Variants in MAPKAP1 observed in about 807,000 individuals in gnomAD.
MAPKAP1 encodes the protein target of rapamycin complex 2 subunit MAPKAP1.
Under a neutral mutation model 65.7 loss-of-function variants are expected in MAPKAP1, and 20 were observed. The observed-to-expected ratio is 0.30, with a 90% CI of 0.21 to 0.44. The LOEUF (loss-of-function observed/expected upper bound fraction) is 0.44. MAPKAP1 is among the 20% of genes least tolerant of loss of function. MAPKAP1 has a pLI of 1.00. For synonymous variants in MAPKAP1, 222 were observed against 244.3 expected (o/e 0.91, Z 0.85); for missense variants, 423 against 648.0 (o/e 0.65, Z 3.77).
intron 9 of MAPKAP1, among the ~76,000 whole-genome samples, chr9:125,468,429 C>A (rs1360924281): frequency 6.6e-6 from 1 of 152,196 alleles, no homozygotes; most frequent in Non-Finnish European, 1.5e-5. Context: ...TACAGCCGTA[C>A]ATTATCTCTA....
chr9:125,623,530 G>A (rs1832978292), intron 4 of MAPKAP1, among the ~76,000 whole-genome samples: 1 of 10,552 alleles, frequency 9.5e-5, no homozygotes, highest in African/African-American at 1.4e-4. Context: ...CGGCCGCCCC[G>A]TCTGAGAAGT....
At chr9:125,548,870 T>C (rs1830503440) in intron 6 of MAPKAP1, among the ~76,000 whole-genome samples, 1 of 152,140 alleles carries the variant, frequency 6.6e-6, no homozygotes. Flanking sequence ...AAAGAGAAAA[T>C]TGAGGTTTGG....
intron 7 of MAPKAP1, among the ~76,000 whole-genome samples, chr9:125,542,787 A>G (rs112014226): frequency 0.014 from 2,180 of 152,338 alleles, 19 homozygotes; most frequent in South Asian, 0.041. Context: ...CATCAGCACA[A>G]GTAGCTCTGT....
Position 125,558,247 on chromosome 9 carries a change from T to A in MAPKAP1, c.848+1386A>T, listed in dbSNP as rs553316100. Among the ~76,000 whole-genome samples, 9 of 152,356 alleles carry A rather than the reference T, an allele frequency of 5.9e-5. No individual in the cohort carries two copies. In the East Asian group the frequency reaches 1.7e-3, roughly 29 times the overall value. On this transcript the variant is annotated intron_variant, in intron 6 of 11. Coordinates refer to ENST00000265960, the MANE Select transcript of MAPKAP1 (RefSeq NM_001006617.3). ...GAGTAACATATACACACGATTATTA[T>A]ACAAGATTAAAAATAGTTAAGATGG...
At chr9:125,532,938 T>C (rs1013020596) in intron 7 of MAPKAP1, among the ~76,000 whole-genome samples, 7 of 152,216 alleles carry the variant, frequency 4.6e-5, no homozygotes, top group African/African-American at 1.4e-4. Context: ...AGTTCTCAAA[T>C]AGGAGGTGGA....
chr9:125,623,414 T>G (rs1341042624), intron 4 of MAPKAP1, among the ~76,000 whole-genome samples: 1 of 29,422 alleles, frequency 3.4e-5, no homozygotes. Flanking sequence ...CGGCCGCCCA[T>G]CGTCTGAGAT....
At chr9:125,673,026 C>T (rs187299074) in intron 1 of MAPKAP1, among the ~76,000 whole-genome samples, 60 of 152,272 alleles carry the variant, frequency 3.9e-4, no homozygotes, top group Admixed American at 2.4e-3. Context: ...GTTGTATTTT[C>T]CTCAAATGAT....
chr9:125,507,487 A>C (rs1447172007), intron 7 of MAPKAP1, among the ~76,000 whole-genome samples: 7 of 152,216 alleles, frequency 4.6e-5, no homozygotes, highest in South Asian at 4.1e-4. Flanking sequence ...CAACTTGTGG[A>C]TTAATCACAT....
intron 11 of MAPKAP1, among the ~76,000 whole-genome samples, chr9:125,443,214 A>C (rs1852559981): frequency 6.6e-6 from 1 of 152,204 alleles, no homozygotes; most frequent in Admixed American, 6.5e-5. Flanking sequence ...GAAGAGACTG[A>C]ATGATAACTT....
At chr9:125,537,716 C>T (rs894960063) in intron 7 of MAPKAP1, among the ~76,000 whole-genome samples, 1 of 152,196 alleles carries the variant, frequency 6.6e-6, no homozygotes, top group Non-Finnish European at 1.5e-5. Context: ...CTGCTGGGTT[C>T]AAGCAATCCT....
chr9:125,671,533 T>A (rs1255076501), intron 2 of MAPKAP1, among the ~76,000 whole-genome samples: 1 of 151,940 alleles, frequency 6.6e-6, no homozygotes, highest in Non-Finnish European at 1.5e-5. Context: ...AAAAATTACC[T>A]CCTAGAATAC....
At chr9:125,529,703 G>A (rs1459553453) in intron 7 of MAPKAP1, among the ~76,000 whole-genome samples, 5 of 151,882 alleles carry the variant, frequency 3.3e-5, no homozygotes, top group Non-Finnish European at 5.9e-5. Flanking sequence ...TTGGTTCGAT[G>A]ACACAGTAGA....
intron 6 of MAPKAP1, among the ~76,000 whole-genome samples, chr9:125,548,253 A>G (rs1830485652): frequency 6.6e-6 from 1 of 152,212 alleles, no homozygotes; most frequent in Non-Finnish European, 1.5e-5. Flanking sequence ...GTGGGAGAGA[A>G]AGATAAGAAG....
intron 8 of MAPKAP1, among the ~76,000 whole-genome samples, chr9:125,492,008 T>C (rs972324224): frequency 6.9e-6 from 1 of 144,448 alleles, no homozygotes; most frequent in Non-Finnish European, 1.5e-5. Context: ...CTGAGCAACA[T>C]AGTGAGACTT....
intron 4 of MAPKAP1, among the ~76,000 whole-genome samples, chr9:125,625,400 T>G (rs1457170422): frequency 6.6e-6 from 1 of 151,292 alleles, no homozygotes; most frequent in African/African-American, 2.4e-5. Context: ...ACACAATTAT[T>G]GAGGGAAAAA....
At chr9:125,627,613 A>G (rs1275371872) in intron 4 of MAPKAP1, among the ~76,000 whole-genome samples, 2 of 152,072 alleles carry the variant, frequency 1.3e-5, no homozygotes, top group Non-Finnish European at 2.9e-5. Flanking sequence ...TTTTTAAGAG[A>G]CAGTATCTCA....
At chr9:125,490,966 C>T (rs1254652705) in intron 8 of MAPKAP1, among the ~76,000 whole-genome samples, 2 of 151,300 alleles carry the variant, frequency 1.3e-5, no homozygotes, top group African/African-American at 4.9e-5. Flanking sequence ...GGTGAAACCT[C>T]GTCTCTATAA....
intron 4 of MAPKAP1, among the ~76,000 whole-genome samples, chr9:125,649,088 G>A (rs774803380): frequency 6.6e-6 from 1 of 152,126 alleles, no homozygotes; most frequent in Non-Finnish European, 1.5e-5. Flanking sequence ...ATTCTTCGAG[G>A]GAGAAGACAA....
At chr9:125,490,093 G>A (rs541484071) in intron 8 of MAPKAP1, among the ~76,000 whole-genome samples, 19 of 152,302 alleles carry the variant, frequency 1.2e-4, no homozygotes, top group African/African-American at 3.8e-4. Flanking sequence ...CTAAATTAGT[G>A]GTTCTCAAAG....
Sources: allele counts gnomAD v4.1 joint callset (sites outside exome capture counted in the v4.1 genomes callset), GRCh38; gene constraint gnomAD v4.1.1; transcripts MANE v1.5; gene names NCBI Gene and HGNC (gene_info 2026-07-23, HGNC 2026-07-21).